The following PRKN variants were observed in gnomAD, a reference collection of about 807,000 sequenced individuals.
PRKN encodes the protein E3 ubiquitin-protein ligase parkin.
A neutral mutation model predicts 59.5 loss-of-function variants in PRKN; 56 were observed. The observed-to-expected ratio is 0.94, with a 90% confidence interval of 0.76 to 1.18. The LOEUF is 1.18. Ranked by LOEUF, PRKN falls within the 50% of genes most tolerant of loss-of-function variation. The pLI is 0.00. For missense variants in PRKN, 657 were observed against 596.4 expected, an observed-to-expected ratio of 1.10 and a Z score of -1.06; for synonymous variants, 250 against 222.1, an observed-to-expected ratio of 1.13 and a Z score of -1.12.
intron 1 of PRKN, among the ~76,000 whole-genome samples, chr6:162,662,875 T>C (rs967587655): frequency 6.6e-6 from 1 of 152,144 alleles, no homozygotes; most frequent in Non-Finnish European, 1.5e-5. Context: ...GTAGGAATGA[T>C]TCTGTTGCAC....
rs1399375825 is a variant in PRKN, at chr6:161,551,892, G to C, written c.934-2889C>G. 6.6e-6 allele frequency among the ~76,000 whole-genome samples: 1 copy of C among 152,152 alleles called. No homozygotes were observed. Among genetic ancestry groups the C allele is most frequent in the African/African-American group, 2.4e-5 (1 of 41,436 alleles). ...GCTCTGTCCTTGAGTAGGTTGGAGG[G>C]GAGGATCTAAAGGATGTGTGGAGGG... On this transcript the variant is annotated intron_variant, in intron 8 of 11. Transcript: ENST00000366898. The surrounding 1 kb of genome is among the most constrained non-coding windows in gnomAD (Gnocchi z 5.2).
chr6:161,915,363 AC>A (rs1185078777), intron 6 of PRKN, among the ~76,000 whole-genome samples: 1 of 152,114 alleles, frequency 6.6e-6, no homozygotes, highest in African/African-American at 2.4e-5. Flanking sequence ...GTGAAAGAAC[AC>A]CCTATTCTTA....
intron 4 of PRKN, among the ~76,000 whole-genome samples, chr6:162,166,152 C>T (rs1782981200): frequency 6.6e-6 from 1 of 151,354 alleles, no homozygotes; most frequent in Non-Finnish European, 1.5e-5. Flanking sequence ...TCAAGAGAGT[C>T]AAAACCTGGA....
At chr6:162,439,065 T>C (rs1023266016) in intron 2 of PRKN, among the ~76,000 whole-genome samples, 5 of 152,148 alleles carry the variant, frequency 3.3e-5, no homozygotes, top group African/African-American at 1.2e-4. Flanking sequence ...TTCCTTCCAT[T>C]CTTATGTCAA....
intron 1 of PRKN, among the ~76,000 whole-genome samples, chr6:162,625,569 A>G (rs9356053): frequency 0.19 from 28,912 of 151,844 alleles, 3,492 homozygotes; most frequent in East Asian, 0.47. Flanking sequence ...TCAAATTGTA[A>G]ATGAGTCCCT....
chr6:162,613,233 A>C, intron 1 of PRKN, among the ~76,000 whole-genome samples: 1 of 152,222 alleles, frequency 6.6e-6, no homozygotes, highest in Non-Finnish European at 1.5e-5. Context: ...TGCACTTAGA[A>C]GCACTGACAT....
intron 3 of PRKN, among the ~76,000 whole-genome samples, chr6:162,223,638 CA>C (rs1778031813): frequency 9.0e-6 from 1 of 110,782 alleles, no homozygotes; most frequent in South Asian, 3.9e-4. Context: ...CACACACACA[CA>C]CACACACACA....
intron 2 of PRKN, among the ~76,000 whole-genome samples, chr6:162,363,272 G>T (rs1184386195): frequency 1.3e-5 from 2 of 151,788 alleles, no homozygotes; most frequent in Non-Finnish European, 2.9e-5. Flanking sequence ...AAAGTACATT[G>T]TCCAAAGCCC....
At chr6:161,425,792 T>A (rs1788321601) in intron 9 of PRKN, among the ~76,000 whole-genome samples, 1 of 152,094 alleles carries the variant, frequency 6.6e-6, no homozygotes, top group African/African-American at 2.4e-5. Flanking sequence ...ACACAGTAGG[T>A]TGTATAATAT....
At chr6:162,508,480 TA>T (rs545127700) in intron 1 of PRKN, among the ~76,000 whole-genome samples, 60 of 152,268 alleles carry the variant, frequency 3.9e-4, no homozygotes, top group African/African-American at 1.4e-3. Context: ...GACTAACAAT[TA>T]CATGGAACTT....
rs141389594 is a variant in PRKN at position 161,557,982 on chromosome 6, G to C, written c.934-8979C>G. On this transcript the variant is annotated intron_variant, in intron 8 of 11. Transcript: ENST00000366898. ...AAGCACTTCGGGGACTCCCTCCCTG[G>C]GCTTCTCCCTCAATCCCTCCTAGAG... is the stretch of plus-strand genomic sequence containing the variant. Among the ~76,000 whole-genome samples, 8 of 152,138 alleles carry C rather than the reference G, an allele frequency of 5.3e-5. No individual in the cohort carries two copies. The East Asian group carries it at 1.5e-3, about 29-fold the overall frequency.
At position 161,480,178 on chromosome 6, in the gene PRKN, C is replaced by G. The variant is rs1391269161; in HGVS notation, c.1083+68676G>C. 2.6e-5 allele frequency among the ~76,000 whole-genome samples: 4 copies of G among 152,174 alleles called. No homozygotes were observed. The highest frequency in any genetic ancestry group is 2.6e-4 in the Admixed American group (4 of 15,270). The stretch of plus-strand genomic sequence containing the variant: ...GTATTTATTATCACTGCAGCGTTTC[C>G]TATCTGATCATGACTATATAATTTG... On this transcript the variant is annotated intron_variant, in intron 9 of 11. Transcript: ENST00000366898. The surrounding 1 kb of genome is among the most constrained non-coding windows in gnomAD (Gnocchi z 4.1).
chr6:162,686,740 A>G (rs1319331192), intron 1 of PRKN, among the ~76,000 whole-genome samples: 1 of 152,142 alleles, frequency 6.6e-6, no homozygotes. Context: ...GTATGTGGAG[A>G]AGGACTAACA....
rs565736374 is a variant in PRKN, at chr6:162,393,866, C to A, written c.171+49444G>T. Among the ~76,000 whole-genome samples the A allele has an allele frequency of 2.3e-4, 35 of 152,216 alleles. No homozygotes were observed. In the South Asian group the frequency reaches 6.8e-3, roughly 30 times the overall value. ...CTTTAGATTTAGTTAAAATTAAAAA[C>A]ATTTCATATACTGGTAGCTCAAATA... On this transcript the variant is annotated intron_variant, in intron 2 of 11. Transcript: ENST00000366898.
chr6:162,463,804 A>C, intron 1 of PRKN, among the ~76,000 whole-genome samples: 1 of 152,204 alleles, frequency 6.6e-6, no homozygotes, highest in African/African-American at 2.4e-5. Flanking sequence ...CAAGATTGGC[A>C]TCCATGAAAC....
At chr6:162,064,169 A>T (rs1024494355) in intron 4 of PRKN, among the ~76,000 whole-genome samples, 1 of 152,236 alleles carries the variant, frequency 6.6e-6, no homozygotes, top group African/African-American at 2.4e-5. Flanking sequence ...ATAGAAAAGT[A>T]TGTATTATAT....
chr6:161,655,049 C>T (rs73597109), intron 7 of PRKN, among the ~76,000 whole-genome samples: 332 of 152,350 alleles, frequency 2.2e-3, no homozygotes, highest in African/African-American at 7.8e-3. Flanking sequence ...CCCTCATCAC[C>T]ACCAAGGTGC....
intron 1 of PRKN, among the ~76,000 whole-genome samples, chr6:162,673,285 C>T (rs1368058551): frequency 2.0e-5 from 3 of 151,998 alleles, no homozygotes; most frequent in East Asian, 1.9e-4. Flanking sequence ...GCACCTGCCA[C>T]AGAGGACACG....
At chr6:161,642,108 G>T (rs1172544255) in intron 7 of PRKN, among the ~76,000 whole-genome samples, 1 of 152,120 alleles carries the variant, frequency 6.6e-6, no homozygotes, top group Non-Finnish European at 1.5e-5. Flanking sequence ...AAAGCAAAGG[G>T]TCTGTCTTAT....
Sources: allele counts gnomAD v4.1 joint callset (sites outside exome capture counted in the v4.1 genomes callset), GRCh38; gene constraint gnomAD v4.1.1; non-coding constraint Gnocchi (gnomAD v3.1); transcripts MANE v1.5; gene names NCBI Gene and HGNC (gene_info 2026-07-23, HGNC 2026-07-21).